The following KDM4B variants were observed in gnomAD, a reference collection of about 807,000 sequenced individuals.
KDM4B encodes lysine-specific demethylase 4B.
A neutral mutation model predicts 125.2 loss-of-function variants in KDM4B; 32 were observed. That is an observed-to-expected ratio of 0.26 (90% CI 0.19 to 0.34). KDM4B has a LOEUF of 0.34. Among genes scored for constraint, KDM4B ranks in the 10% least tolerant of loss-of-function variants. KDM4B has a pLI of 1.00. For synonymous variants in KDM4B, 721 were observed against 677.9 expected (o/e 1.06, Z -0.99); for missense variants, 1,190 against 1,577.7 (o/e 0.75, Z 4.16).
At chr19:5,108,232 G>A (rs1599201519) in intron 9 of KDM4B, among the ~76,000 whole-genome samples, 1 of 152,370 alleles carries the variant, frequency 6.6e-6, no homozygotes, top group East Asian at 1.9e-4. Flanking sequence ...GCTGTGGATG[G>A]GGATGCCGGG....
chr19:5,077,588 TGATTA>T (rs1284812417), intron 8 of KDM4B, 118 bp downstream of exon 8: 21 of 809,448 alleles, frequency 2.6e-5, no homozygotes, highest in Middle Eastern at 2.3e-4. Flanking sequence ...TCTAGAACAG[TGATTA>T]GCATGCCAGA....
chr19:5,102,260 C>T (rs1179500376), intron 9 of KDM4B, among the ~76,000 whole-genome samples: 3 of 152,248 alleles, frequency 2.0e-5, no homozygotes, highest in Non-Finnish European at 4.4e-5. Context: ...GGCACTTTCT[C>T]GTGGCTTCAG....
rs977681922 is a variant in KDM4B, at chr19:5,026,469, T to C, written c.-25-6397T>C. Among the ~76,000 whole-genome samples, 6 of 152,166 alleles carry C rather than the reference T, an allele frequency of 3.9e-5. No homozygotes were observed. In the South Asian group the frequency reaches 6.2e-4, roughly 16 times the overall value. ...GAGCACTGGGACCACAGGTGTGTGCTGCAGTGTCTGGCCTTCATTTGTCTT... is the reference window on the plus strand; with the variant it reads ...GAGCACTGGGACCACAGGTGTGTGCCGCAGTGTCTGGCCTTCATTTGTCTT... On this transcript the variant is annotated intron_variant, in intron 2 of 22. Coordinates refer to ENST00000159111, the MANE Select transcript of KDM4B (RefSeq NM_015015.3).
intron 8 of KDM4B, chr19:5,079,150 A>C (rs1395372738): frequency 1.3e-5 from 2 of 152,142 alleles, no homozygotes; most frequent in Non-Finnish European, 2.9e-5. Flanking sequence ...TTAATAATTA[A>C]AAGTGTGTAC....
chr19:5,043,493 G>C (rs1006588336), intron 5 of KDM4B, among the ~76,000 whole-genome samples: 4 of 143,174 alleles, frequency 2.8e-5, no homozygotes, highest in African/African-American at 8.1e-5. Flanking sequence ...ACCTTATCCC[G>C]TGCTGTGTTT....
At chr19:5,022,727 C>G (rs1339901558) in intron 2 of KDM4B, among the ~76,000 whole-genome samples, 4 of 152,038 alleles carry the variant, frequency 2.6e-5, no homozygotes, top group Non-Finnish European at 5.9e-5. Flanking sequence ...AGAGCTCACT[C>G]CCTTGTCTGA....
Position 5,151,769 on chromosome 19 carries a change from T to G in KDM4B, c.*258T>G. 1 of 374,568 alleles carries G rather than the reference T, an allele frequency of 2.7e-6. No homozygotes were observed. The highest frequency in any genetic ancestry group is 3.8e-5 in the East Asian group (1 of 26,116). The allele number at this position is 374,568 out of a possible 1,614,324, so 23.2% of individuals were successfully genotyped here. A position where few individuals can be genotyped will look rare whatever the true frequency, so the allele number is the denominator to read the frequency against. ...ACTCAGAATTTTAAACCATGTAAGC[T>G]CTCTTCTTCTCGAAAAGGTGCTACT... is the stretch of plus-strand genomic sequence containing the variant. On this transcript the variant is annotated 3_prime_UTR_variant, in exon 23 of 23. Transcript: ENST00000159111.
intron 6 of KDM4B, among the ~76,000 whole-genome samples, chr19:5,064,889 C>T (rs145636405): frequency 6.6e-6 from 1 of 152,240 alleles, no homozygotes; most frequent in Admixed American, 6.5e-5. Context: ...AGAGACTTTG[C>T]CCCGATCTCG....
At chr19:5,063,672 C>G (rs2037675591) in intron 6 of KDM4B, among the ~76,000 whole-genome samples, 1 of 152,364 alleles carries the variant, frequency 6.6e-6, no homozygotes, top group Middle Eastern at 3.4e-3. Context: ...CCGTGGCTCT[C>G]TGGTCCTTGT....
intron 6 of KDM4B, among the ~76,000 whole-genome samples, chr19:5,068,947 C>T (rs1365909197): frequency 6.6e-6 from 1 of 152,232 alleles, no homozygotes; most frequent in Non-Finnish European, 1.5e-5. Context: ...CATTAATCAT[C>T]GCAGCCTTGG....
chr19:5,096,818 C>T (rs2038836138), intron 9 of KDM4B, among the ~76,000 whole-genome samples: 2 of 151,556 alleles, frequency 1.3e-5, no homozygotes, highest in African/African-American at 4.9e-5. Context: ...GTGCCCCCGG[C>T]GGTGTCGGTG....
intron 6 of KDM4B, chr19:5,070,478 A>G (rs371581374): frequency 6.5e-6 from 1 of 152,750 alleles, no homozygotes; most frequent in East Asian, 1.9e-4. Context: ...AATAAAACTT[A>G]CAAAGTCGGT....
intron 9 of KDM4B, among the ~76,000 whole-genome samples, chr19:5,108,152 G>T (rs2039071748): frequency 1.3e-5 from 2 of 152,262 alleles, no homozygotes; most frequent in African/African-American, 4.8e-5. Flanking sequence ...CCCTCCACGG[G>T]TGCACACAGG....
intron 6 of KDM4B, among the ~76,000 whole-genome samples, chr19:5,061,121 G>A (rs1304962413): frequency 6.6e-6 from 1 of 152,184 alleles, no homozygotes; most frequent in Non-Finnish European, 1.5e-5. Context: ...AGCAGGGCGG[G>A]CCACCCATGG....
intron 1 of KDM4B, among the ~76,000 whole-genome samples, chr19:4,979,100 TG>T (rs1335468446): frequency 6.6e-6 from 1 of 151,828 alleles, no homozygotes; most frequent in African/African-American, 2.4e-5. Flanking sequence ...AAGGGCAACA[TG>T]GCAAGACCCC....
chr19:5,051,733 G>T (rs2037231211), intron 6 of KDM4B, among the ~76,000 whole-genome samples: 1 of 152,248 alleles, frequency 6.6e-6, no homozygotes, highest in African/African-American at 2.4e-5. Context: ...CTGCACCCAG[G>T]TGAAGCCCCC....
chr19:5,001,325 T>C (rs768337312), intron 1 of KDM4B, among the ~76,000 whole-genome samples: 1 of 152,152 alleles, frequency 6.6e-6, no homozygotes, highest in South Asian at 2.1e-4. Flanking sequence ...CGCCTGGCCT[T>C]ATACCTTTTC....
intron 18 of KDM4B, among the ~76,000 whole-genome samples, chr19:5,138,783 G>A (rs149677848): frequency 3.9e-5 from 6 of 152,322 alleles, no homozygotes; most frequent in African/African-American, 9.6e-5. Flanking sequence ...CCGCTCACCC[G>A]TCCTGTATAA....
intron 9 of KDM4B, among the ~76,000 whole-genome samples, chr19:5,084,234 C>T (rs776719851): frequency 1.4e-5 from 2 of 147,242 alleles, no homozygotes. Flanking sequence ...GCAACAAGAG[C>T]GAAACTGTCT....
Sources: gnomAD v4.1 joint callset for allele counts (sites outside exome capture counted in the v4.1 genomes callset) on GRCh38, gnomAD v4.1.1 for gene constraint, MANE v1.5 for transcripts, NCBI Gene and HGNC (gene_info 2026-07-23, HGNC 2026-07-21) for gene names.